The following RBFOX1 variants were observed in gnomAD, a reference collection of about 807,000 sequenced individuals.
The protein encoded by RBFOX1 is RNA binding fox-1 homolog 1.
Under a neutral mutation model 57.7 loss-of-function variants are expected in RBFOX1, and 8 were observed. That is an observed-to-expected ratio of 0.14 (90% CI 0.08 to 0.25). The LOEUF is 0.25. RBFOX1 is among the 10% of genes least tolerant of loss of function. The pLI, the probability that RBFOX1 is intolerant of heterozygous loss-of-function variation, is 1.00. For missense variants in RBFOX1, 611 were observed against 548.5 expected, an observed-to-expected ratio of 1.11 and a Z score of -1.14; for synonymous variants, 326 against 222.4, an observed-to-expected ratio of 1.47 and a Z score of -4.15.
intron 1 of RBFOX1, among the ~76,000 whole-genome samples, chr16:6,280,507 A>G (rs1033570647): frequency 1.3e-5 from 2 of 152,134 alleles, no homozygotes; most frequent in Non-Finnish European, 1.5e-5. Flanking sequence ...ATACATGAGG[A>G]GGGATTAAAA....
At chr16:6,986,545 G>A (rs189297949) in intron 3 of RBFOX1, among the ~76,000 whole-genome samples, 122 of 152,244 alleles carry the variant, frequency 8.0e-4, no homozygotes, top group African/African-American at 2.7e-3. Context: ...ACCTGCCTTG[G>A]CTTCCCAAAG....
intron 3 of RBFOX1, among the ~76,000 whole-genome samples, chr16:7,049,794 GT>G (rs1274437895): frequency 1.4e-4 from 22 of 152,130 alleles, no homozygotes; most frequent in African/African-American, 5.3e-4. Flanking sequence ...AGGATGAAGT[GT>G]TTTCGCTCCA....
chr16:5,700,180 T>C (rs561449103), intron 3 of RBFOX1, among the ~76,000 whole-genome samples: 2 of 152,318 alleles, frequency 1.3e-5, no homozygotes, highest in African/African-American at 4.8e-5. Flanking sequence ...TTTTTTGAAA[T>C]AGTTATTTGA....
intron 3 of RBFOX1, among the ~76,000 whole-genome samples, chr16:5,670,426 T>C (rs2049982205): frequency 6.6e-6 from 1 of 152,220 alleles, no homozygotes; most frequent in South Asian, 2.1e-4. Context: ...CCCATGTCCA[T>C]AGGTGCCATC....
At chr16:7,304,887 G>T (rs539702195) in intron 4 of RBFOX1, among the ~76,000 whole-genome samples, 3 of 151,004 alleles carry the variant, frequency 2.0e-5, no homozygotes, top group African/African-American at 7.3e-5. Flanking sequence ...ATAGAGAGTG[G>T]AAAGGAGAAG....
intron 4 of RBFOX1, among the ~76,000 whole-genome samples, chr16:7,208,441 G>A (rs960832966): frequency 1.3e-5 from 2 of 152,198 alleles, no homozygotes; most frequent in Non-Finnish European, 2.9e-5. Flanking sequence ...ACTTCATGCT[G>A]CTTCCACTCG....
intron 3 of RBFOX1, among the ~76,000 whole-genome samples, chr16:6,924,561 G>A (rs1394071061): frequency 1.3e-5 from 2 of 151,954 alleles, no homozygotes; most frequent in Non-Finnish European, 2.9e-5. Context: ...ATTTAGAGAG[G>A]ACACATATCC....
chr16:6,998,315 A>C (rs1464094327), intron 3 of RBFOX1, among the ~76,000 whole-genome samples: 1 of 152,172 alleles, frequency 6.6e-6, no homozygotes, highest in Non-Finnish European at 1.5e-5. Context: ...AACAACACTC[A>C]TTAGTGTCTT....
At chr16:6,741,601 G>T (rs749808589) in intron 3 of RBFOX1, among the ~76,000 whole-genome samples, 1 of 151,760 alleles carries the variant, frequency 6.6e-6, no homozygotes. Context: ...CTGCGGAGGT[G>T]GAGGTTGCGG....
intron 3 of RBFOX1, among the ~76,000 whole-genome samples, chr16:6,842,107 C>T (rs1029486412): frequency 2.6e-5 from 4 of 151,336 alleles, no homozygotes; most frequent in Non-Finnish European, 4.4e-5. Context: ...CGCGCCACTG[C>T]ACTCCAGCCT....
intron 1 of RBFOX1, among the ~76,000 whole-genome samples, chr16:6,256,295 A>G (rs55881365): frequency 3.8e-4 from 45 of 119,964 alleles, no homozygotes; most frequent in African/African-American, 1.9e-3. Context: ...GTGTATATAT[A>G]TATGTATATA....
intron 4 of RBFOX1, among the ~76,000 whole-genome samples, chr16:7,269,484 CAG>C (rs769316619): frequency 5.3e-5 from 8 of 151,736 alleles, no homozygotes; most frequent in African/African-American, 1.5e-4. Context: ...GAGAGGCAGA[CAG>C]AGGAAAAAAG....
Position 5,326,960 on chromosome 16 carries a change from C to G in RBFOX1, c.219+86855C>G, listed in dbSNP as rs930458844. 4.3e-4 allele frequency among the ~76,000 whole-genome samples: 65 copies of G among 152,126 alleles called. 1 individual carries two copies. The highest frequency in any genetic ancestry group is 1.4e-3 in the African/African-American group (60 of 41,420). ...CTAGGAACTGAGGGTAAACAGCAAA[C>G]AAAACACAAACATCCGTTCTTTGTA... is the stretch of plus-strand genomic sequence containing the variant. On this transcript the variant is annotated intron_variant, in intron 1 of 2. Coordinates refer to the RBFOX1 transcript ENST00000585867.
At chr16:6,993,024 C>G (rs991622947) in intron 3 of RBFOX1, among the ~76,000 whole-genome samples, 2 of 152,108 alleles carry the variant, frequency 1.3e-5, no homozygotes, top group Admixed American at 6.6e-5. Context: ...GTCTGAATTT[C>G]TGATAGATTT....
intron 4 of RBFOX1, among the ~76,000 whole-genome samples, chr16:7,234,585 CATATGTGT>C (rs1475610965): frequency 1.0e-5 from 1 of 97,200 alleles, no homozygotes; most frequent in Non-Finnish European, 1.9e-5. Flanking sequence ...CATGTGTATA[CATATGTGT>C]GTGTGTGTGT....
At position 5,420,204 on chromosome 16, in the gene RBFOX1, G is replaced by C. The variant is rs150251642; in HGVS notation, c.220-47012G>C. Among the ~76,000 whole-genome samples the C allele has an allele frequency of 4.8e-3, 728 of 152,278 alleles. 5 individuals are homozygous for C. The highest frequency in any genetic ancestry group is 0.017 in the African/African-American group (692 of 41,558). On this transcript the variant is annotated intron_variant, in intron 1 of 2. Coordinates refer to the RBFOX1 transcript ENST00000585867. ...AATGCAATGCTGGTTTGGGGTCAAT[G>C]AAGTAGATTTAAACAAACAAGGTGG... is the stretch of plus-strand genomic sequence containing the variant.
Position 6,461,102 on chromosome 16 carries a change from G to A in RBFOX1, c.-64+144045G>A, listed in dbSNP as rs1597575074. Among the ~76,000 whole-genome samples, 4 of 152,220 alleles carry A rather than the reference G, an allele frequency of 2.6e-5. No individual in the cohort carries two copies. In the South Asian group the frequency reaches 8.3e-4, roughly 32 times the overall value. ...GGAACAACACTCACTAGAGCCTGTT[G>A]GGAGAGGGTGGGGGGAAGAAAGCAT... On this transcript the variant is annotated intron_variant, in intron 2 of 15. Coordinates refer to ENST00000550418, the MANE Select transcript of RBFOX1 (RefSeq NM_018723.4).
At chr16:6,662,726 C>T (rs867433968) in intron 3 of RBFOX1, among the ~76,000 whole-genome samples, 1 of 152,104 alleles carries the variant, frequency 6.6e-6, no homozygotes, top group Non-Finnish European at 1.5e-5. Context: ...GACCCAGAGC[C>T]CCTGACAGGC....
chr16:7,263,567 C>T (rs946446255), intron 4 of RBFOX1, among the ~76,000 whole-genome samples: 2 of 152,014 alleles, frequency 1.3e-5, no homozygotes, highest in South Asian at 2.1e-4. Context: ...ACCACAGCTC[C>T]ATAATAAAAG....
Sources: gnomAD v4.1 joint callset for allele counts (sites outside exome capture counted in the v4.1 genomes callset) on GRCh38, gnomAD v4.1.1 for gene constraint, MANE v1.5 for transcripts, NCBI Gene and HGNC (gene_info 2026-07-23, HGNC 2026-07-21) for gene names.